The following TPMT variants were observed in gnomAD, a reference collection of about 807,000 sequenced individuals.
The protein encoded by TPMT is thiopurine S-methyltransferase, also known as S-adenosyl-L-methionine:thiopurine S-methyltransferase.
In TPMT, 18 loss-of-function variants were observed where a neutral mutation model predicts 34.2. The observed-to-expected ratio is 0.53, with a 90% confidence interval of 0.36 to 0.78. The LOEUF is 0.78. Among genes scored for constraint, TPMT ranks in the 30% least tolerant of loss-of-function variants. The probability of loss-of-function intolerance (pLI) is 0.00; values close to 1 mark genes in which losing one functional copy is unlikely to be tolerated. For missense variants in TPMT, 265 were observed against 288.1 expected (o/e 0.92, Z 0.58); for synonymous variants, 69 against 92.4 (o/e 0.75, Z 1.45).
At chr6:18,152,853 CT>C (rs1031315265) in intron 1 of TPMT, among the ~76,000 whole-genome samples, 5 of 152,300 alleles carry the variant, frequency 3.3e-5, no homozygotes, top group African/African-American at 1.2e-4. Flanking sequence ...AACCAACCCC[CT>C]GATGCTGCCC....
At chr6:18,144,254 C>T (rs1337238236) in intron 3 of TPMT, among the ~76,000 whole-genome samples, 1 of 152,168 alleles carries the variant, frequency 6.6e-6, no homozygotes, top group Non-Finnish European at 1.5e-5. Context: ...GTGAACAGGT[C>T]TAGAACATTA....
In TPMT at chr6:18,148,974, C is replaced by G; in HGVS notation, c.140+14G>C. The G allele has an allele frequency of 6.2e-7, 1 of 1,612,746 alleles. No individual in the cohort carries two copies. The highest frequency in any genetic ancestry group is 8.5e-7 in the Non-Finnish European group (1 of 1,179,848). ...GATAGAACATTTCTCTATTGTATAC[C>G]AAATATTTCTTACTGATGTCCTTGT... is the stretch of plus-strand genomic sequence containing the variant. On this transcript the variant is annotated intron_variant, in intron 2 of 8. Coordinates refer to ENST00000309983, the MANE Select transcript of TPMT (RefSeq NM_000367.5). The surrounding 1 kb of genome is among the most constrained non-coding windows in gnomAD (Gnocchi z 4.1).
At position 18,145,267 on chromosome 6, in the gene TPMT, CTAA is replaced by C. The variant is rs1784227676; in HGVS notation, c.234-1542_234-1540del. 1.3e-5 allele frequency among the ~76,000 whole-genome samples: 2 copies of C among 152,098 alleles called. No individual in the cohort carries two copies. Among genetic ancestry groups the C allele is most frequent in the Non-Finnish European group, 2.9e-5 (2 of 68,024 alleles). On this transcript the variant is annotated intron_variant, in intron 3 of 8. Coordinates refer to ENST00000309983, the MANE Select transcript of TPMT (RefSeq NM_000367.5). This position sits in a 1 kb window ranked among gnomAD's most constrained non-coding sequence, Gnocchi z 5.6. ...CACATTAAAAAACAAAAACAGGAAC[CTAA>C]TAATAACAGTTTTATACATGTTAAA...
At position 18,146,898 on chromosome 6, in the gene TPMT, G is replaced by A. The variant is rs1443816043; in HGVS notation, c.233+925C>T. 1.3e-5 allele frequency among the ~76,000 whole-genome samples: 2 copies of A among 151,962 alleles called. No homozygotes were observed. Among genetic ancestry groups the A allele is most frequent in the African/African-American group, 2.4e-5 (1 of 41,396 alleles). On this transcript the variant is annotated intron_variant, in intron 3 of 8. Coordinates refer to ENST00000309983, the MANE Select transcript of TPMT (RefSeq NM_000367.5). The surrounding 1 kb of genome is among the most constrained non-coding windows in gnomAD (Gnocchi z 6.2). Reference sequence around the variant, plus strand: ...GCATGCATACTCTGCGTTAGTCACCGATATTTATATTCAGAATAGACCATT... The same window carrying A: ...GCATGCATACTCTGCGTTAGTCACCAATATTTATATTCAGAATAGACCATT...
Position 18,148,032 on chromosome 6 carries a change from T to C in TPMT, c.141-117A>G. 2.5e-6 allele frequency: 2 copies of C among 790,628 alleles called. No individual in the cohort carries two copies. Among genetic ancestry groups the C allele is most frequent in the Non-Finnish European group, 4.2e-6 (2 of 471,060 alleles). 49.0% of individuals were successfully genotyped at this position (790,628 alleles called of 1,614,324 possible). ...AATAAGCAGTTACTATTAATTATTA[T>C]AATCTCCAGCTTACATATGAAGAAA... On this transcript the variant is annotated intron_variant, in intron 2 of 8. Coordinates refer to ENST00000309983, the MANE Select transcript of TPMT (RefSeq NM_000367.5). The surrounding 1 kb of genome is among the most constrained non-coding windows in gnomAD (Gnocchi z 4.1).
chr6:18,138,076 G>A lies in TPMT; in HGVS notation c.494+887C>T, dbSNP rs563538613. Among the ~76,000 whole-genome samples, 5 of 152,062 alleles carry A rather than the reference G, an allele frequency of 3.3e-5. No individual in the cohort carries two copies. Among genetic ancestry groups the A allele is most frequent in the East Asian group, 1.9e-4 (1 of 5,162 alleles). On this transcript the variant is annotated intron_variant, in intron 6 of 8. Coordinates refer to ENST00000309983, the MANE Select transcript of TPMT (RefSeq NM_000367.5). The surrounding 1 kb of genome is among the most constrained non-coding windows in gnomAD (Gnocchi z 4.1). Reference sequence around the variant, plus strand: ...ATTACAGGCGTGAGCCACCACACCCGGCCACAAGTATGGACTTCAAAGCCA... The same window carrying A: ...ATTACAGGCGTGAGCCACCACACCCAGCCACAAGTATGGACTTCAAAGCCA...
In TPMT at chr6:18,150,405, G is replaced by A. The variant is rs985278954; in HGVS notation, c.-44-1234C>T. On this transcript the variant is annotated intron_variant, in intron 1 of 8. Coordinates refer to ENST00000309983, the MANE Select transcript of TPMT (RefSeq NM_000367.5). The surrounding 1 kb of genome is among the most constrained non-coding windows in gnomAD (Gnocchi z 5.3). The stretch of plus-strand genomic sequence containing the variant: ...TGCCAATTGTCCCAATTTCCTATCA[G>A]TACACAGTCAGTCTCTCCAGTCATC... Among the ~76,000 whole-genome samples the A allele has an allele frequency of 6.6e-6, 1 of 152,050 alleles. No individual in the cohort carries two copies. Among genetic ancestry groups the A allele is most frequent in the African/African-American group, 2.4e-5 (1 of 41,386 alleles).
In TPMT at chr6:18,140,548, G is replaced by A. The variant is rs1165526786; in HGVS notation, c.367-831C>T. On this transcript the variant is annotated intron_variant, in intron 4 of 8. Coordinates refer to ENST00000309983, the MANE Select transcript of TPMT (RefSeq NM_000367.5). The surrounding 1 kb of genome is among the most constrained non-coding windows in gnomAD (Gnocchi z 4.7). ...CTACAGAAAAAATTAGATGGGTGTG[G>A]TGGCACACACCTGTAGTTCCAGCTA... Among the ~76,000 whole-genome samples the A allele has an allele frequency of 1.3e-5, 2 of 152,096 alleles. No individual in the cohort carries two copies. The highest frequency in any genetic ancestry group is 2.9e-5 in the Non-Finnish European group (2 of 68,026).
At position 18,150,325 on chromosome 6, in the gene TPMT, G is replaced by A. The variant is rs1027252451; in HGVS notation, c.-44-1154C>T. 3.9e-5 allele frequency among the ~76,000 whole-genome samples: 6 copies of A among 152,180 alleles called. No homozygotes were observed. The highest frequency in any genetic ancestry group is 8.8e-5 in the Non-Finnish European group (6 of 68,036). On this transcript the variant is annotated intron_variant, in intron 1 of 8. Transcript: ENST00000309983. This position sits in a 1 kb window ranked among gnomAD's most constrained non-coding sequence, Gnocchi z 5.3. Reference sequence around the variant, plus strand: ...AAACCCCATCCTCTTGGGTTTTTATGTAGGCTTCATCACGTAGGCATTATT... The same window carrying A: ...AAACCCCATCCTCTTGGGTTTTTATATAGGCTTCATCACGTAGGCATTATT...
chr6:18,137,744 CTTTGAGGTAGT>C (rs1784068479), intron 6 of TPMT, among the ~76,000 whole-genome samples: 1 of 152,108 alleles, frequency 6.6e-6, no homozygotes, highest in Admixed American at 6.5e-5. Context: ...CACAAAAATC[CTTTGAGGTAGT>C]CTAACAAAGG....
rs11341076 is a variant in TPMT at position 18,138,264 on chromosome 6, GT to G, written c.494+698del. On this transcript the variant is annotated intron_variant, in intron 6 of 8. Transcript: ENST00000309983. This position sits in a 1 kb window ranked among gnomAD's most constrained non-coding sequence, Gnocchi z 4.1. ...CCACATGAAATATTTTGATTTTTTT[GT>G]TTTTTTTTTTTTTTAAATATTTTAC... 0.73 allele frequency among the ~76,000 whole-genome samples: 102,007 copies of G among 140,522 alleles called. 36,174 individuals are homozygous for G. Among genetic ancestry groups the G allele is most frequent in the East Asian group, 0.78 (3,801 of 4,848 alleles). 92.2% of individuals were successfully genotyped at this position (140,522 alleles called of 152,430 possible). A position where few individuals can be genotyped will look rare whatever the true frequency, so the allele number is the denominator to read the frequency against.
At position 18,135,675 on chromosome 6, in the gene TPMT, C is replaced by G. The variant is rs551982984; in HGVS notation, c.495-1786G>C. The stretch of plus-strand genomic sequence containing the variant: ...TCACCTGAGGTCGGGAGTTCGAGAC[C>G]AGCCTGACCAACATGGAGAAACCCC... On this transcript the variant is annotated intron_variant, in intron 6 of 8. Coordinates refer to ENST00000309983, the MANE Select transcript of TPMT (RefSeq NM_000367.5). The surrounding 1 kb of genome is among the most constrained non-coding windows in gnomAD (Gnocchi z 5.0). Among the ~76,000 whole-genome samples, 2 of 151,876 alleles carry G rather than the reference C, an allele frequency of 1.3e-5. No individual in the cohort carries two copies. The highest frequency in any genetic ancestry group is 4.2e-4 in the South Asian group (2 of 4,806).
rs762202090 is a variant in TPMT, at chr6:18,141,662, GAA to G, written c.366+1932_366+1933del. On this transcript the variant is annotated intron_variant, in intron 4 of 8. Coordinates refer to ENST00000309983, the MANE Select transcript of TPMT (RefSeq NM_000367.5). ...GCTGAGCAATTAATTTCAATATTTA[GAA>G]AAGAGTACTTTGTGAGACACTGAAT... Among the ~76,000 whole-genome samples, 5 of 152,210 alleles carry G rather than the reference GAA, an allele frequency of 3.3e-5. No homozygotes were observed. The East Asian group carries it at 7.7e-4, about 24-fold the overall frequency.
Position 18,143,486 on chromosome 6 carries a change from C to A in TPMT, c.366+110G>T, listed in dbSNP as rs549351527. ...CTATATAGTATCTACAGTGAATCTG[C>A]GTGCTAAATAGGAACCATCGGACAC... On this transcript the variant is annotated intron_variant, in intron 4 of 8. Coordinates refer to ENST00000309983, the MANE Select transcript of TPMT (RefSeq NM_000367.5). This position sits in a 1 kb window ranked among gnomAD's most constrained non-coding sequence, Gnocchi z 6.1. 7.1e-5 allele frequency: 99 copies of A among 1,395,396 alleles called. No individual in the cohort carries two copies. The highest frequency in any genetic ancestry group is 2.4e-4 in the Admixed American group (14 of 58,136). 86.4% of individuals were successfully genotyped at this position (1,395,396 alleles called of 1,614,324 possible). A position where few individuals can be genotyped will look rare whatever the true frequency, so the allele number is the denominator to read the frequency against.
At position 18,139,141 on chromosome 6, in the gene TPMT, T is replaced by TA. The variant is rs1784094848; in HGVS notation, c.420-105dup. 1 of 1,027,120 alleles carries TA rather than the reference T, an allele frequency of 9.7e-7. No individual in the cohort carries two copies. Among genetic ancestry groups the TA allele is most frequent in the African/African-American group, 1.6e-5 (1 of 63,520 alleles). The allele number at this position is 1,027,120 out of a possible 1,614,324, so 63.6% of individuals were successfully genotyped here. ...GCTGGTACTTCAACAATCGTCAAGG[T>TA]ATTAGGATCTCACGTCTGCGTTTCC... On this transcript the variant is annotated intron_variant, in intron 5 of 8. Transcript: ENST00000309983. This position sits in a 1 kb window ranked among gnomAD's most constrained non-coding sequence, Gnocchi z 4.2.
In TPMT at chr6:18,128,595, CTCA is replaced by C. The variant is rs1016508083; in HGVS notation, c.*2070_*2072del. The C allele has an allele frequency of 6.6e-6, 1 of 152,338 alleles. No individual in the cohort carries two copies. Among genetic ancestry groups the C allele is most frequent in the African/African-American group, 2.4e-5 (1 of 41,470 alleles). The allele number at this position is 152,338 out of a possible 1,614,324, so 9.4% of individuals were successfully genotyped here. ...GGACGCAGGTGGCCTCTCTTTGGTTCTCATCTCTTTCTGCAGATCAGCGTTCTG... is the reference window on the plus strand; with the variant it reads ...GGACGCAGGTGGCCTCTCTTTGGTTCTCTCTTTCTGCAGATCAGCGTTCTG... On this transcript the variant is annotated 3_prime_UTR_variant, in exon 9 of 9. Transcript: ENST00000309983. This position sits in a 1 kb window ranked among gnomAD's most constrained non-coding sequence, Gnocchi z 4.6.
At position 18,133,843 on chromosome 6, in the gene TPMT, G is replaced by A. The variant is rs781670535; in HGVS notation, c.541C>T (p.Leu181Phe). The A allele has an allele frequency of 6.2e-7, 1 of 1,612,606 alleles. No homozygotes were observed. Among genetic ancestry groups the A allele is most frequent in the Admixed American group, 1.7e-5 (1 of 59,906 alleles). ...GGATCATAAGAAAGAACACACAGGAGATACTGAAACTTCTTTCCCAGGAGG... is the reference window on the plus strand; with the variant it reads ...GGATCATAAGAAAGAACACACAGGAAATACTGAAACTTCTTTCCCAGGAGG... ...FSLLGKKFQY[L>F]LCVLSYDPTK... Residue 181 changes from leucine to phenylalanine, a missense_variant, in exon 7 of 9, where the codon CTC becomes TTC. Coordinates refer to ENST00000309983, the MANE Select transcript of TPMT (RefSeq NM_000367.5).
Position 18,145,027 on chromosome 6 carries a change from T to G in TPMT, c.234-1299A>C, listed in dbSNP as rs1396769640. 6.6e-6 allele frequency among the ~76,000 whole-genome samples: 1 copy of G among 152,212 alleles called. No individual in the cohort carries two copies. Among genetic ancestry groups the G allele is most frequent in the African/African-American group, 2.4e-5 (1 of 41,442 alleles). On this transcript the variant is annotated intron_variant, in intron 3 of 8. Transcript: ENST00000309983. The surrounding 1 kb of genome is among the most constrained non-coding windows in gnomAD (Gnocchi z 5.6). The stretch of plus-strand genomic sequence containing the variant: ...TGGTAAGTTTTATAATGAACAGAAT[T>G]CAGTCTCAGGATCTTGGACTCAAGA...
intron 1 of TPMT, among the ~76,000 whole-genome samples, chr6:18,151,476 A>C (rs1428534040): frequency 6.6e-6 from 1 of 152,134 alleles, no homozygotes; most frequent in Non-Finnish European, 1.5e-5. Context: ...TTAAGAAAAA[A>C]ACAAAAAAAA....
Sources: allele counts gnomAD v4.1 joint callset (sites outside exome capture counted in the v4.1 genomes callset), GRCh38; gene constraint gnomAD v4.1.1; non-coding constraint Gnocchi (gnomAD v3.1); transcripts MANE v1.5; gene names NCBI Gene and HGNC (gene_info 2026-07-23, HGNC 2026-07-21).